Variants in LANCL1 observed in about 807,000 individuals in gnomAD.
LANCL1 encodes the protein glutathione S-transferase LANCL1.
LANCL1 carries 50 observed loss-of-function variants against 50.6 expected under a neutral mutation model. That is an observed-to-expected ratio of 0.99 (90% CI 0.79 to 1.25). The LOEUF (loss-of-function observed/expected upper bound fraction) is 1.25. Ranked by LOEUF, LANCL1 falls within the 50% of genes most tolerant of loss-of-function variation. LANCL1 has a pLI of 0.00. For synonymous variants in LANCL1, 188 were observed against 178.6 expected (o/e 1.05, Z -0.42); for missense variants, 532 against 480.7 (o/e 1.11, Z -1.00).
chr2:210,463,380 A>G (rs1176271784), intron 3 of LANCL1, among the ~76,000 whole-genome samples: 1 of 152,014 alleles, frequency 6.6e-6, no homozygotes, highest in Admixed American at 6.6e-5. Context: ...CTGGCTATAT[A>G]AAGTTTTTTT....
Position 210,436,396 on chromosome 2 carries a change from C to T in LANCL1, c.874-4G>A. Reference sequence around the variant, plus strand: ...GATACTTTTCCTCTCTGAATACCTGCAGAGGCAAAGGACACATTTTATTAT... The same window carrying T: ...GATACTTTTCCTCTCTGAATACCTGTAGAGGCAAAGGACACATTTTATTAT... On this transcript the variant is annotated splice_region_variant and splice_polypyrimidine_tract_variant and intron_variant, in intron 7 of 9. Transcript: ENST00000450366. The T allele has an allele frequency of 6.2e-7, 1 of 1,613,016 alleles. No homozygotes were observed. Among genetic ancestry groups the T allele is most frequent in the Non-Finnish European group, 8.5e-7 (1 of 1,179,224 alleles).
chr2:210,449,812 G>T (rs1008941958), intron 4 of LANCL1, among the ~76,000 whole-genome samples: 1 of 152,042 alleles, frequency 6.6e-6, no homozygotes, highest in Admixed American at 6.6e-5. Context: ...CTTCAAGGAG[G>T]ACTACAAACC....
At chr2:210,455,461 C>T in intron 3 of LANCL1, 147 bp from the exon 4 acceptor site, 1 of 677,788 alleles carries the variant, frequency 1.5e-6, no homozygotes, top group Non-Finnish European at 2.5e-6. Context: ...TAATTCTAGG[C>T]TCAGCTCTAT....
Position 210,440,634 on chromosome 2 carries a change from A to G in LANCL1, c.654T>C (p.Ala218=). 6.2e-7 allele frequency: 1 copy of G among 1,613,648 alleles called. No homozygotes were observed. Among genetic ancestry groups the G allele is most frequent in the Non-Finnish European group, 8.5e-7 (1 of 1,179,822 alleles). Residue 218 remains alanine, a synonymous_variant, in exon 6 of 10, where the codon GCT becomes GCC. Transcript: ENST00000450366. The stretch of plus-strand genomic sequence containing the variant: ...AGTAATAAATTCCAGCCAGGCCATG[A>G]GCAGCCCCTACATAATATTCCTGGT... ...EWYQEYYVGA[A]HGLAGIYYYL...
chr2:210,448,420 C>T (rs1395168771), intron 4 of LANCL1, among the ~76,000 whole-genome samples: 1 of 151,996 alleles, frequency 6.6e-6, no homozygotes, highest in East Asian at 1.9e-4. Context: ...AAATCGACAC[C>T]TTAACATCAC....
intron 6 of LANCL1, among the ~76,000 whole-genome samples, chr2:210,439,441 A>C (rs1285203378): frequency 6.6e-6 from 1 of 152,192 alleles, no homozygotes; most frequent in African/African-American, 2.4e-5. Context: ...GAGGGCCTCT[A>C]GTATGTTTGA....
chr2:210,445,923 G>A (rs1000799596), intron 4 of LANCL1, among the ~76,000 whole-genome samples: 7 of 152,290 alleles, frequency 4.6e-5, no homozygotes, highest in East Asian at 1.9e-4. Flanking sequence ...TCCAGTGTCT[G>A]GGCAGGGCAT....
intron 4 of LANCL1, among the ~76,000 whole-genome samples, chr2:210,443,119 C>T (rs1225855660): frequency 6.6e-6 from 1 of 152,096 alleles, no homozygotes; most frequent in Non-Finnish European, 1.5e-5. Flanking sequence ...TCATCAAAGC[C>T]CCACCCTTTT....
chr2:210,477,224 C>G (rs936089588), upstream of LANCL1, among the ~76,000 whole-genome samples: 1 of 152,126 alleles, frequency 6.6e-6, no homozygotes, highest in Non-Finnish European at 1.5e-5. Context: ...GACAGGATAT[C>G]AAATAGCAGT....
intron 3 of LANCL1, among the ~76,000 whole-genome samples, chr2:210,460,147 C>T (rs1232261601): frequency 1.3e-5 from 2 of 152,116 alleles, no homozygotes; most frequent in Non-Finnish European, 2.9e-5. Flanking sequence ...CAGATTATTC[C>T]TCAACATTTT....
chr2:210,435,437 T>C lies in LANCL1; in HGVS notation c.1073A>G (p.Tyr358Cys), dbSNP rs370723275. 4 of 1,613,558 alleles carry C rather than the reference T, an allele frequency of 2.5e-6. No homozygotes were observed. Among genetic ancestry groups the C allele is most frequent in the Non-Finnish European group, 3.4e-6 (4 of 1,179,664 alleles). Reference sequence around the variant, plus strand: ...TGGTGTTCTGCATCCATGTTCTCCATACTCTAAGCACCATTCAGCAAACTG... The same window carrying C: ...TGGTGTTCTGCATCCATGTTCTCCACACTCTAAGCACCATTCAGCAAACTG... Reference protein sequence around the residue: ...ACKFAEWCLEYGEHGCRTPDT... With the variant: ...ACKFAEWCLECGEHGCRTPDT... Residue 358 changes from tyrosine (Y) to cysteine (C), a missense_variant, in exon 9 of 10, where the codon TAT becomes TGT. Tyr to Cys is a radical substitution (Grantham distance 194, BLOSUM62 -2). Transcript: ENST00000450366.
intron 2 of LANCL1, 103 bp downstream of exon 2, chr2:210,476,213 A>AT (rs3214410): frequency 0.34 from 224,410 of 654,446 alleles, 40,120 homozygotes; most frequent in Middle Eastern, 0.41. Flanking sequence ...CGAATCATGT[A>AT]TTTTTTTAAA....
intron 3 of LANCL1, among the ~76,000 whole-genome samples, chr2:210,459,873 C>T (rs528055200): frequency 5.3e-5 from 8 of 151,716 alleles, no homozygotes; most frequent in African/African-American, 1.9e-4. Flanking sequence ...CCTGTAGCTA[C>T]TACCCTGGGG....
intron 4 of LANCL1, among the ~76,000 whole-genome samples, chr2:210,443,959 G>A (rs1019219770): frequency 6.6e-6 from 1 of 152,206 alleles, no homozygotes; most frequent in Non-Finnish European, 1.5e-5. Context: ...GATGAATAAA[G>A]TCTAAGAAGG....
In LANCL1 at chr2:210,455,316, T is replaced by TTA. The variant is rs752450474; in HGVS notation, c.200-3_200-2insTA. The TTA allele has an allele frequency of 3.0e-6, 3 of 999,986 alleles. No homozygotes were observed. Among genetic ancestry groups the TTA allele is most frequent in the South Asian group, 2.0e-5 (1 of 49,252 alleles). The allele number at this position is 999,986 out of a possible 1,614,324, so 61.9% of individuals were successfully genotyped here. A position where few individuals can be genotyped will look rare whatever the true frequency, so the allele number is the denominator to read the frequency against. On this transcript the variant is annotated splice_region_variant and splice_polypyrimidine_tract_variant and intron_variant, in intron 3 of 9. Coordinates refer to ENST00000450366, the MANE Select transcript of LANCL1 (RefSeq NM_006055.3). ...GATGTAAGTAAAGCACAGCAATACC[T>TTA]GAAAAAAAAAAAAGGAAACAATGTA...
At chr2:210,458,267 G>T (rs1442268038) in intron 3 of LANCL1, among the ~76,000 whole-genome samples, 1 of 152,154 alleles carries the variant, frequency 6.6e-6, no homozygotes, top group African/African-American at 2.4e-5. Flanking sequence ...TGTTATTTTA[G>T]ATGTATTGCC....
chr2:210,441,018 C>T (rs1191412866), intron 5 of LANCL1, among the ~76,000 whole-genome samples: 3 of 152,180 alleles, frequency 2.0e-5, no homozygotes, highest in Non-Finnish European at 2.9e-5. Context: ...CTAGGCACCA[C>T]CAAAGGAGAT....
rs116619727 is a variant in LANCL1, at chr2:210,457,228, T to C, written c.200-1914A>G. On this transcript the variant is annotated intron_variant, in intron 3 of 9. Transcript: ENST00000450366. ...CCAATTAGAAAAAGTTTCCTGCACA[T>C]GCTTATTATAAATCAGCCCAGGTCA... 9.6e-3 allele frequency among the ~76,000 whole-genome samples: 1,463 copies of C among 152,296 alleles called. 20 individuals are homozygous for C. Among genetic ancestry groups the C allele is most frequent in the African/African-American group, 0.033 (1,373 of 41,556 alleles).
chr2:210,476,376 C>G lies in LANCL1; in HGVS notation c.21G>C (p.Pro7=). The change falls in exon 2 of 10, where the codon CCG becomes CCC. Residue 7 remains proline (P), a synonymous_variant. Coordinates refer to ENST00000450366, the MANE Select transcript of LANCL1 (RefSeq NM_006055.3). The stretch of plus-strand genomic sequence containing the variant: ...ATTTGTTATAATCAGCATAAGGATT[C>G]GGGAAGGCCCTTTGAGCCATGACGC... MAQRAF[P]NPYADYNKSL... 1 of 1,614,022 alleles carries G rather than the reference C, an allele frequency of 6.2e-7. No homozygotes were observed. The highest frequency in any genetic ancestry group is 8.5e-7 in the Non-Finnish European group (1 of 1,180,018).
Sources: gnomAD v4.1 joint callset for allele counts (sites outside exome capture counted in the v4.1 genomes callset) on GRCh38, gnomAD v4.1.1 for gene constraint, MANE v1.5 for transcripts, NCBI Gene and HGNC (gene_info 2026-07-23, HGNC 2026-07-21) for gene names.